EXOG: variants seen among roughly 807,000 people sequenced by gnomAD.
EXOG encodes the protein nuclease EXOG, mitochondrial.
In EXOG, 27 loss-of-function variants were observed where a neutral mutation model predicts 25.8. That is an observed-to-expected ratio of 1.05 (90% confidence interval 0.77 to 1.45). EXOG has a LOEUF of 1.45. EXOG is among the 40% of genes most tolerant of loss of function. The probability of loss-of-function intolerance (pLI) is 0.00; values close to 1 mark genes in which losing one functional copy is unlikely to be tolerated. For missense variants in EXOG, 458 were observed against 450.5 expected (o/e 1.02, Z -0.15); for synonymous variants, 133 against 167.0 (o/e 0.80, Z 1.57).
intron 5 of EXOG, among the ~76,000 whole-genome samples, 157 bp downstream of exon 5, chr3:38,507,125 G>A (rs372073122): frequency 2.6e-5 from 4 of 152,080 alleles, no homozygotes; most frequent in South Asian, 2.1e-4. Context: ...CACCTATTAG[G>A]AATGATAGGC....
chr3:38,508,118 A>G (rs1465428536), intron 5 of EXOG, among the ~76,000 whole-genome samples: 4 of 152,178 alleles, frequency 2.6e-5, no homozygotes, highest in Non-Finnish European at 4.4e-5. Context: ...GCGACAGAGC[A>G]AGACTCCACC....
In EXOG at chr3:38,501,394, C is replaced by CCAAT. The variant is rs2060039981; in HGVS notation, c.354_357dup (p.Ile120GlnfsTer11). On this transcript the variant is annotated frameshift_variant, in exon 3 of 6. Transcript: ENST00000287675. LOFTEE classifies it high-confidence loss of function. ...AAGCATTGTAAATTTAAGCCTGATC[C>CCAAT]CAATATCCCTCCAACCTTCAGTGCC... 1.9e-6 allele frequency: 3 copies of CCAAT among 1,613,318 alleles called. No individual in the cohort carries two copies. The highest frequency in any genetic ancestry group is 1.7e-5 in the Admixed American group (1 of 60,012).
At chr3:38,500,287 C>T (rs1259198526) in intron 2 of EXOG, 1 of 152,190 alleles carries the variant, frequency 6.6e-6, no homozygotes, top group African/African-American at 2.4e-5. Context: ...TACTGCTAGA[C>T]ACCTTACAGC....
intron 5 of EXOG, among the ~76,000 whole-genome samples, chr3:38,517,755 T>C (rs1041423104): frequency 1.3e-5 from 2 of 152,256 alleles, no homozygotes; most frequent in Non-Finnish European, 2.9e-5. Context: ...TCACTGTGTT[T>C]GTACATTGTG....
chr3:38,496,784 T>C lies in EXOG; in HGVS notation c.163+254T>C, dbSNP rs111809940. On this transcript the variant is annotated intron_variant, in intron 1 of 5. Transcript: ENST00000287675. ...CAGAACCACCCCCGCCGCCCGACTTTCTTCCCCCCAGTTACTCATCGCGAT... is the reference window on the plus strand; with the variant it reads ...CAGAACCACCCCCGCCGCCCGACTTCCTTCCCCCCAGTTACTCATCGCGAT... The C allele has an allele frequency of 1.5e-3, 2,227 of 1,442,564 alleles. 8 individuals are homozygous for C. The highest frequency in any genetic ancestry group is 3.1e-3 in the South Asian group (244 of 77,724). The allele number at this position is 1,442,564 out of a possible 1,614,324, so 89.4% of individuals were successfully genotyped here. A position where few individuals can be genotyped will look rare whatever the true frequency, so the allele number is the denominator to read the frequency against.
rs1012380308 is a variant in EXOG, at chr3:38,525,986, A to T, written c.*1624A>T. The stretch of plus-strand genomic sequence containing the variant: ...AAGAAAAAGGTCTGCCCACAAAATC[A>T]CTAGCTTATTATTTGCTTCCTGTGT... On this transcript the variant is annotated 3_prime_UTR_variant, in exon 6 of 6. Coordinates refer to ENST00000287675, the MANE Select transcript of EXOG (RefSeq NM_005107.4). The T allele has an allele frequency of 8.1e-6, 8 of 985,204 alleles. No individual in the cohort carries two copies. Among genetic ancestry groups the T allele is most frequent in the South Asian group, 4.7e-5 (1 of 21,276 alleles). The allele number at this position is 985,204 out of a possible 1,614,324, so 61.0% of individuals were successfully genotyped here.
At chr3:38,514,167 C>T (rs1559691152) in intron 5 of EXOG, among the ~76,000 whole-genome samples, 1 of 152,222 alleles carries the variant, frequency 6.6e-6, no homozygotes, top group Non-Finnish European at 1.5e-5. Flanking sequence ...AGATGGGACA[C>T]TTAAACAGTG....
Position 38,503,638 on chromosome 3 carries a change from C to T in EXOG, c.477C>T (p.Tyr159=), listed in dbSNP as rs1174063660. The change falls in exon 4 of 6, where the codon TAC becomes TAT. Residue 159 remains tyrosine, a synonymous_variant. Transcript: ENST00000287675. The part of the protein sequence containing the change: ...FSSKAMAETF[Y]LSNIVPQDFD... ...AGAAAGCCATGGCTGAAACCTTTTA[C>T]CTTTCTAACATTGTGCCTCAGGATT... The T allele has an allele frequency of 6.2e-7, 1 of 1,605,614 alleles. No homozygotes were observed. The highest frequency in any genetic ancestry group is 8.5e-7 in the Non-Finnish European group (1 of 1,172,876).
At position 38,524,489 on chromosome 3, in the gene EXOG, C is replaced by T. The variant is rs186491043; in HGVS notation, c.*127C>T. ...TTCTCTTTAAGAGATGTGGTCTCGCCGTGTCATCCAGGCTGGAGTGCAGTG... is the reference window on the plus strand; with the variant it reads ...TTCTCTTTAAGAGATGTGGTCTCGCTGTGTCATCCAGGCTGGAGTGCAGTG... On this transcript the variant is annotated 3_prime_UTR_variant, in exon 6 of 6. Transcript: ENST00000287675. 5.8e-5 allele frequency: 82 copies of T among 1,411,342 alleles called. No homozygotes were observed. In the African/African-American group the frequency reaches 9.3e-4, roughly 16 times the overall value. 87.4% of individuals were successfully genotyped at this position (1,411,342 alleles called of 1,614,324 possible).
At position 38,506,868 on chromosome 3, in the gene EXOG, G is replaced by T. The variant is rs532343012; in HGVS notation, c.545G>T (p.Cys182Phe). Residue 182 changes from cysteine to phenylalanine, a missense_variant, in exon 5 of 6, where the codon TGT becomes TTT. Coordinates refer to ENST00000287675, the MANE Select transcript of EXOG (RefSeq NM_005107.4). Reference protein sequence around the residue: ...SGYWNRIEMYCRELTERFEDV... With the variant: ...SGYWNRIEMYFRELTERFEDV... ...TTGTTTTTCAGAATAGAAATGTACT[G>T]TCGAGAGCTGACAGAAAGGTTTGAA... The T allele has an allele frequency of 6.3e-7, 1 of 1,575,096 alleles. No individual in the cohort carries two copies. The highest frequency in any genetic ancestry group is 1.1e-5 in the South Asian group (1 of 90,214).
chr3:38,503,226 A>C (rs1032701735), intron 3 of EXOG, among the ~76,000 whole-genome samples: 2 of 152,236 alleles, frequency 1.3e-5, no homozygotes, highest in Non-Finnish European at 2.9e-5. Flanking sequence ...TTTCTCTGCC[A>C]CTTTTGAACT....
At chr3:38,512,076 G>T (rs2060386898) in intron 5 of EXOG, among the ~76,000 whole-genome samples, 1 of 152,044 alleles carries the variant, frequency 6.6e-6, no homozygotes, top group Non-Finnish European at 1.5e-5. Flanking sequence ...CACAATTTTT[G>T]TAGTCTTCTA....
At chr3:38,498,289 C>T (rs560498571) in intron 2 of EXOG, among the ~76,000 whole-genome samples, 10 of 152,210 alleles carry the variant, frequency 6.6e-5, no homozygotes, top group African/African-American at 2.2e-4. Flanking sequence ...AGAGGCTGGG[C>T]GTGGTGGCTC....
rs947461946 is a variant in EXOG at position 38,524,194 on chromosome 3, A to C, written c.939A>C (p.Thr313=). Residue 313 remains threonine, a synonymous_variant, in exon 6 of 6, where the codon ACA becomes ACC. Coordinates refer to ENST00000287675, the MANE Select transcript of EXOG (RefSeq NM_005107.4). Reference sequence around the variant, plus strand: ...AGGAGTTCACCTTGTACTTGAGTACAAGAAAGATTGAAGGAGCCCGATCAG... The same window carrying C: ...AGGAGTTCACCTTGTACTTGAGTACCAGAAAGATTGAAGGAGCCCGATCAG... The part of the protein sequence containing the change: ...DFQEFTLYLS[T]RKIEGARSVL... 6.2e-7 allele frequency: 1 copy of C among 1,614,198 alleles called. No homozygotes were observed. Among genetic ancestry groups the C allele is most frequent in the Admixed American group, 1.7e-5 (1 of 60,028 alleles).
intron 2 of EXOG, chr3:38,500,129 G>C (rs2060003534): frequency 6.4e-6 from 1 of 155,544 alleles, no homozygotes; most frequent in African/African-American, 2.4e-5. Context: ...AACGGAGAAA[G>C]GTCAAAAGGA....
chr3:38,525,070 A>C lies in EXOG; in HGVS notation c.*708A>C. On this transcript the variant is annotated 3_prime_UTR_variant, in exon 6 of 6. Transcript: ENST00000287675. ...TCTGCTCGTTTCTCTACTTCTGTCT[A>C]CGTAGAAGCACTCAGCAACTAGTTT... 1 of 984,888 alleles carries C rather than the reference A, an allele frequency of 1.0e-6. No individual in the cohort carries two copies. The highest frequency in any genetic ancestry group is 4.7e-5 in the South Asian group (1 of 21,262). 61.0% of individuals were successfully genotyped at this position (984,888 alleles called of 1,614,324 possible). A position where few individuals can be genotyped will look rare whatever the true frequency, so the allele number is the denominator to read the frequency against.
rs1374695700 is a variant in EXOG, at chr3:38,497,689, G to A, written c.224G>A (p.Arg75Lys). ...FGFPLTGTEA[R>K]CYTNHALSYD... Reference sequence around the variant, plus strand: ...TTCCCTTTAACTGGAACAGAGGCAAGGTGTTACACTAATCACGCTTTGTCT... The same window carrying A: ...TTCCCTTTAACTGGAACAGAGGCAAAGTGTTACACTAATCACGCTTTGTCT... The change falls in exon 2 of 6, where the codon AGG becomes AAG. Residue 75 changes from arginine to lysine, a missense_variant. Coordinates refer to ENST00000287675, the MANE Select transcript of EXOG (RefSeq NM_005107.4). 19 of 1,609,544 alleles carry A rather than the reference G, an allele frequency of 1.2e-5. No individual in the cohort carries two copies. The highest frequency in any genetic ancestry group is 1.5e-5 in the Non-Finnish European group (18 of 1,179,098).
At chr3:38,515,200 GCGC>G in intron 5 of EXOG, among the ~76,000 whole-genome samples, 1 of 152,268 alleles carries the variant, frequency 6.6e-6, no homozygotes, top group East Asian at 1.9e-4. Context: ...CTCTGAAGAT[GCGC>G]TCAGGAATCT....
chr3:38,507,081 T>C (rs2060224231), intron 5 of EXOG, 113 bp downstream of exon 5: 2 of 519,000 alleles, frequency 3.9e-6, no homozygotes, highest in South Asian at 2.5e-5. Context: ...GCATTCTACT[T>C]TTTAATTTCA....
Sources: allele counts gnomAD v4.1 joint callset (sites outside exome capture counted in the v4.1 genomes callset), GRCh38; gene constraint gnomAD v4.1.1; transcripts MANE v1.5; gene names NCBI Gene and HGNC (gene_info 2026-07-23, HGNC 2026-07-21).